Variants in DMD observed in about 807,000 individuals in gnomAD.
DMD encodes the protein dystrophin.
Under a neutral mutation model 330.1 loss-of-function variants are expected in DMD, and 63 were observed. The observed-to-expected ratio is 0.19, with a 90% CI of 0.16 to 0.24. DMD has a LOEUF of 0.24. Among genes scored for constraint, DMD ranks in the 10% least tolerant of loss-of-function variants. The probability of loss-of-function intolerance (pLI) is 1.00; values close to 1 mark genes in which losing one functional copy is unlikely to be tolerated. For synonymous variants in DMD, 1,223 were observed against 959.8 expected (o/e 1.27, Z -5.07); for missense variants, 3,344 against 2,684.1 (o/e 1.25, Z -5.43).
chrX:33,065,802 C>T (rs2094644923), intron 1 of DMD, among the ~76,000 whole-genome samples: 1 of 112,231 alleles, frequency 8.9e-6, no homozygotes, highest in South Asian at 3.6e-4. Context: ...TGTCATATTA[C>T]AATGCCCTAC....
At chrX:32,492,127 G>A (rs1448438498) in intron 19 of DMD, among the ~76,000 whole-genome samples, 1 of 111,662 alleles carries the variant, frequency 9.0e-6, no homozygotes, top group African/African-American at 3.3e-5. Context: ...TCACGGCATC[G>A]GGAGATCAAG....
At chrX:31,655,187 C>T (rs184027355) in intron 54 of DMD, among the ~76,000 whole-genome samples, 28 of 111,583 alleles carry the variant, frequency 2.5e-4, no homozygotes, top group Non-Finnish European at 5.1e-4. Context: ...TTCCCACATG[C>T]TTAGTATTCC....
At chrX:32,909,479 T>C (rs2149330475) in intron 2 of DMD, among the ~76,000 whole-genome samples, 1 of 111,661 alleles carries the variant, frequency 9.0e-6, no homozygotes, top group Non-Finnish European at 1.9e-5. Context: ...CCTTCTTAAG[T>C]ATAACACATA....
chrX:31,120,209 A>G lies in DMD; in HGVS notation c.*1710T>C, dbSNP rs2032151652. Reference sequence around the variant, plus strand: ...GAAATAAAATGGCATGAAAGAGTAAAGCTTTTTCCTACCAGTCCTTAGCTT... The same window carrying G: ...GAAATAAAATGGCATGAAAGAGTAAGGCTTTTTCCTACCAGTCCTTAGCTT... On this transcript the variant is annotated 3_prime_UTR_variant, in exon 79 of 79. Transcript: ENST00000357033. 8.9e-6 allele frequency: 1 copy of G among 112,120 alleles called. No homozygotes were observed. Among genetic ancestry groups the G allele is most frequent in the Admixed American group, 9.5e-5 (1 of 10,552 alleles). 9.2% of individuals were successfully genotyped at this position (112,120 alleles called of 1,213,427 possible).
chrX:32,754,881 A>G (rs2071306749), intron 7 of DMD: 1 of 111,459 alleles, frequency 9.0e-6, no homozygotes, highest in East Asian at 2.8e-4. Context: ...CTCTTTCCCC[A>G]TAGTGTTTGC....
chrX:31,625,299 A>G (rs761230956), intron 55 of DMD, among the ~76,000 whole-genome samples: 128 of 111,984 alleles, frequency 1.1e-3, no homozygotes, highest in African/African-American at 4.1e-3. Context: ...CAGAGGCTCT[A>G]TGGGAGTTTT....
At chrX:31,709,416 T>C (rs1485252424) in intron 52 of DMD, among the ~76,000 whole-genome samples, 1 of 112,002 alleles carries the variant, frequency 8.9e-6, no homozygotes, top group Non-Finnish European at 1.9e-5. Flanking sequence ...CTTTGTTGCA[T>C]TGTTTATATG....
intron 7 of DMD, among the ~76,000 whole-genome samples, chrX:32,728,358 A>T (rs751906247): frequency 9.8e-5 from 11 of 111,807 alleles, no homozygotes; most frequent in Admixed American, 7.7e-4. Flanking sequence ...GCAAAATATA[A>T]TATTTTTAAA....
At chrX:31,594,083 T>A (rs905110652) in intron 55 of DMD, among the ~76,000 whole-genome samples, 2 of 111,064 alleles carry the variant, frequency 1.8e-5, no homozygotes, top group Non-Finnish European at 3.8e-5. Context: ...TTTCTCAATT[T>A]TTATACTACT....
chrX:33,044,420 AGAGT>A (rs2094348976), intron 1 of DMD, among the ~76,000 whole-genome samples: 1 of 111,889 alleles, frequency 8.9e-6, no homozygotes, highest in African/African-American at 3.2e-5. Context: ...TGACAGAGCA[AGAGT>A]CAGTCTCAAA....
intron 59 of DMD, among the ~76,000 whole-genome samples, chrX:31,474,165 G>A (rs974837130): frequency 9.0e-5 from 10 of 111,543 alleles, no homozygotes; most frequent in East Asian, 5.6e-4. Flanking sequence ...TTCACCACCC[G>A]CAGATGATCA....
chrX:31,470,326 T>G (rs2067201138), intron 59 of DMD, among the ~76,000 whole-genome samples: 1 of 111,807 alleles, frequency 8.9e-6, no homozygotes, highest in Admixed American at 9.5e-5. Flanking sequence ...ACCTTTGGTC[T>G]TTGATGTTGG....
At chrX:33,238,959 T>C (rs997009145) in intron 1 of DMD, among the ~76,000 whole-genome samples, 2 of 110,787 alleles carry the variant, frequency 1.8e-5, no homozygotes, top group East Asian at 2.8e-4. Context: ...GCTTGTTAAG[T>C]AAGATGTTGA....
At chrX:31,850,057 C>T (rs901739411) in intron 48 of DMD, among the ~76,000 whole-genome samples, 2 of 110,917 alleles carry the variant, frequency 1.8e-5, no homozygotes, top group Non-Finnish European at 3.8e-5. Flanking sequence ...AACCTCCACC[C>T]TCTGATAGGC....
intron 52 of DMD, among the ~76,000 whole-genome samples, chrX:31,709,580 C>CTGTGTG (rs1242215099): frequency 1.4e-4 from 11 of 79,426 alleles, no homozygotes; most frequent in African/African-American, 5.9e-4. Flanking sequence ...CTCTCTCTCT[C>CTGTGTG]TGTCTGTGTG....
rs146911817 is a variant in DMD at position 31,325,683 on chromosome X, T to C, written c.9164-2025A>G. 3.6e-5 allele frequency among the ~76,000 whole-genome samples: 4 copies of C among 111,287 alleles called. No individual in the cohort carries two copies. In the East Asian group the frequency reaches 1.1e-3, roughly 31 times the overall value. On this transcript the variant is annotated intron_variant, in intron 61 of 78. Transcript: ENST00000357033. The stretch of plus-strand genomic sequence containing the variant: ...GACCTATCTGGTCAGAGTCTGTTGT[T>C]ATGGAAATATTAAAAAGCTAGCCCT...
At chrX:32,141,705 ACACAC>A (rs1454991091) in intron 44 of DMD, among the ~76,000 whole-genome samples, 1 of 107,331 alleles carries the variant, frequency 9.3e-6, no homozygotes, top group Admixed American at 1.0e-4. Context: ...ACACACACAC[ACACAC>A]ACACACACAC....
At chrX:31,938,668 T>A (rs1006356431) in intron 45 of DMD, among the ~76,000 whole-genome samples, 3 of 111,439 alleles carry the variant, frequency 2.7e-5, no homozygotes, top group African/African-American at 6.5e-5. Flanking sequence ...AATCTAGAGG[T>A]AATGTTTCAC....
rs188635834 is a variant in DMD at position 31,791,758 on chromosome X, A to G, written c.7310-17566T>C. Among the ~76,000 whole-genome samples, 3 of 111,859 alleles carry G rather than the reference A, an allele frequency of 2.7e-5. No individual in the cohort carries two copies. The East Asian group carries it at 8.4e-4, about 31-fold the overall frequency. On this transcript the variant is annotated intron_variant, in intron 50 of 78. Coordinates refer to ENST00000357033, the MANE Select transcript of DMD (RefSeq NM_004006.3). ...TTCCTTACTAATGTCTACGATCACA[A>G]TCTTCTGTGAAGTCTTTGTTGACAA...
Sources: gnomAD v4.1 joint callset for allele counts (sites outside exome capture counted in the v4.1 genomes callset) on GRCh38, gnomAD v4.1.1 for gene constraint, MANE v1.5 for transcripts, NCBI Gene and HGNC (gene_info 2026-07-23, HGNC 2026-07-21) for gene names.